SGMS1: variants seen among roughly 807,000 people sequenced by gnomAD.
SGMS1 encodes the protein phosphatidylcholine:ceramide cholinephosphotransferase 1.
SGMS1 carries 13 observed loss-of-function variants against 46.2 expected under a neutral mutation model. That is an observed-to-expected ratio of 0.28 (90% confidence interval 0.18 to 0.45). The LOEUF (loss-of-function observed/expected upper bound fraction) is 0.45, where lower values mean the gene tolerates loss of function less well. Among genes scored for constraint, SGMS1 ranks in the 20% least tolerant of loss-of-function variants. The pLI is 1.00. For missense variants in SGMS1, 324 were observed against 519.9 expected (o/e 0.62, Z 3.66); for synonymous variants, 203 against 187.8 (o/e 1.08, Z -0.66).
intron 6 of SGMS1, among the ~76,000 whole-genome samples, chr10:50,414,874 T>C (rs934017165): frequency 6.6e-6 from 1 of 152,242 alleles, no homozygotes; most frequent in African/African-American, 2.4e-5. Flanking sequence ...ATTACGCCAC[T>C]GATCATCCCT....
At chr10:50,478,314 C>T (rs191122241) in intron 3 of SGMS1, among the ~76,000 whole-genome samples, 13 of 152,234 alleles carry the variant, frequency 8.5e-5, no homozygotes, top group Non-Finnish European at 1.6e-4. Flanking sequence ...TTTTTGTCCC[C>T]AATATAATGG....
rs144725348 is a variant in SGMS1, at chr10:50,524,700, G to A, written c.-588-4779C>T. Among the ~76,000 whole-genome samples the A allele has an allele frequency of 7.2e-5, 11 of 152,260 alleles. No homozygotes were observed. In the East Asian group the frequency reaches 7.7e-4, roughly 11 times the overall value. On this transcript the variant is annotated intron_variant, in intron 2 of 10. Transcript: ENST00000361781. ...CAAACATGAAGAAAGACTACACAGCGTCCCAATGTCACGCAGCTGGGGAGT... is the reference window on the plus strand; with the variant it reads ...CAAACATGAAGAAAGACTACACAGCATCCCAATGTCACGCAGCTGGGGAGT...
At chr10:50,338,871 C>T (rs1314783661) in intron 7 of SGMS1, among the ~76,000 whole-genome samples, 3 of 152,082 alleles carry the variant, frequency 2.0e-5, no homozygotes, top group Non-Finnish European at 4.4e-5. Context: ...TCCCGAGTAG[C>T]TGGGATTACA....
chr10:50,482,673 A>G (rs1211396599), intron 3 of SGMS1, among the ~76,000 whole-genome samples: 1 of 152,222 alleles, frequency 6.6e-6, no homozygotes, highest in Non-Finnish European at 1.5e-5. Context: ...TCATGAGGCT[A>G]GGATCATTTG....
chr10:50,371,759 T>C (rs894922750), intron 6 of SGMS1, among the ~76,000 whole-genome samples: 29 of 152,284 alleles, frequency 1.9e-4, no homozygotes, highest in Middle Eastern at 3.4e-3. Flanking sequence ...TGTAACAGAA[T>C]TGAAGGCTAG....
intron 2 of SGMS1, among the ~76,000 whole-genome samples, chr10:50,561,106 A>G (rs1838232802): frequency 6.6e-6 from 1 of 152,210 alleles, no homozygotes; most frequent in African/African-American, 2.4e-5. Flanking sequence ...CAGAAACATA[A>G]TAAGACTATG....
At chr10:50,361,155 A>C (rs942512490) in intron 6 of SGMS1, among the ~76,000 whole-genome samples, 15 of 152,194 alleles carry the variant, frequency 9.9e-5, no homozygotes, top group Non-Finnish European at 1.8e-4. Flanking sequence ...TGGGAGAAAA[A>C]GTTCTGATCC....
chr10:50,434,196 C>A (rs1003943946), intron 5 of SGMS1, among the ~76,000 whole-genome samples: 1 of 152,146 alleles, frequency 6.6e-6, no homozygotes, highest in African/African-American at 2.4e-5. Context: ...TCATTCAGAA[C>A]AATGTGTTTA....
At chr10:50,337,065 A>T (rs1172618363) in intron 7 of SGMS1, among the ~76,000 whole-genome samples, 1 of 152,106 alleles carries the variant, frequency 6.6e-6, no homozygotes, top group South Asian at 2.1e-4. Context: ...TGCTGGAGAT[A>T]AATATTACAG....
chr10:50,622,362 C>A lies in SGMS1; in HGVS notation c.-684+1345G>T, dbSNP rs1348457508. Among the ~76,000 whole-genome samples, 5 of 152,148 alleles carry A rather than the reference C, an allele frequency of 3.3e-5. No individual in the cohort carries two copies. The South Asian group carries it at 8.3e-4, about 25-fold the overall frequency. The stretch of plus-strand genomic sequence containing the variant: ...CCATCGCGTTCCTACGTCACCAGTC[C>A]CACTCCTCTCCTTCGGCCCACTCAG... On this transcript the variant is annotated intron_variant, in intron 1 of 10. Transcript: ENST00000361781.
intron 1 of SGMS1, among the ~76,000 whole-genome samples, chr10:50,607,134 A>C (rs1247632550): frequency 3.4e-5 from 5 of 148,880 alleles, no homozygotes; most frequent in African/African-American, 1.2e-4. Flanking sequence ...GCACACCACC[A>C]CACCCAGGTA....
intron 3 of SGMS1, among the ~76,000 whole-genome samples, chr10:50,474,907 A>G (rs1837406827): frequency 6.6e-6 from 1 of 152,204 alleles, no homozygotes; most frequent in African/African-American, 2.4e-5. Context: ...AAGATATTGG[A>G]TATATAAATA....
intron 6 of SGMS1, among the ~76,000 whole-genome samples, chr10:50,397,288 G>C (rs1201867188): frequency 6.6e-6 from 1 of 152,108 alleles, no homozygotes; most frequent in African/African-American, 2.4e-5. Flanking sequence ...TGGTCTCTGT[G>C]GGTGTCTAAG....
In SGMS1 at chr10:50,308,095, C is replaced by A. The variant is rs776591813; in HGVS notation, c.949G>T (p.Val317Phe). 6.2e-7 allele frequency: 1 copy of A among 1,614,022 alleles called. No individual in the cohort carries two copies. The highest frequency in any genetic ancestry group is 1.3e-5 in the African/African-American group (1 of 75,022). Reference sequence around the variant, plus strand: ...GCTAAGAGAATACAGAAGATTCCAACTACGCTGAGAAGCCAGCAAATCCAG... The same window carrying A: ...GCTAAGAGAATACAGAAGATTCCAAATACGCTGAGAAGCCAGCAAATCCAG... ...YHWICWLLSVVGIFCILLAHD... is the reference protein window; with the variant it reads ...YHWICWLLSVFGIFCILLAHD... Residue 317 changes from valine to phenylalanine, a missense_variant, in exon 10 of 11, where the codon GTT becomes TTT. Val to Phe is a conservative substitution (Grantham distance 50). Coordinates refer to ENST00000361781, the MANE Select transcript of SGMS1 (RefSeq NM_147156.4).
intron 6 of SGMS1, among the ~76,000 whole-genome samples, chr10:50,426,341 T>C (rs1159462703): frequency 6.6e-6 from 1 of 152,214 alleles, no homozygotes; most frequent in Admixed American, 6.5e-5. Flanking sequence ...ATAAATGCAA[T>C]GGACACATTT....
At chr10:50,502,820 A>G (rs1837673118) in intron 3 of SGMS1, among the ~76,000 whole-genome samples, 1 of 152,228 alleles carries the variant, frequency 6.6e-6, no homozygotes, top group Non-Finnish European at 1.5e-5. Context: ...TTTTAAAAAT[A>G]GTCCCCAAAA....
intron 6 of SGMS1, among the ~76,000 whole-genome samples, chr10:50,407,870 C>T (rs762403652): frequency 2.6e-5 from 4 of 151,718 alleles, no homozygotes; most frequent in East Asian, 1.9e-4. Flanking sequence ...ATGGATCCAG[C>T]GCCTTAATAT....
chr10:50,317,775 C>T (rs1396049061), intron 8 of SGMS1, among the ~76,000 whole-genome samples: 8 of 151,640 alleles, frequency 5.3e-5, no homozygotes, highest in Non-Finnish European at 8.8e-5. Context: ...AATCAAGCTC[C>T]CCTGTCTCTA....
intron 5 of SGMS1, among the ~76,000 whole-genome samples, chr10:50,444,343 T>C (rs1424938299): frequency 6.6e-6 from 1 of 152,172 alleles, no homozygotes; most frequent in East Asian, 1.9e-4. Flanking sequence ...TACAGACTTA[T>C]ATCCCTCATA....
Sources: gnomAD v4.1 joint callset for allele counts (sites outside exome capture counted in the v4.1 genomes callset) on GRCh38, gnomAD v4.1.1 for gene constraint, MANE v1.5 for transcripts, NCBI Gene and HGNC (gene_info 2026-07-23, HGNC 2026-07-21) for gene names.